Variants in PDE6A observed in about 807,000 individuals in gnomAD.
PDE6A encodes rod cGMP-specific 3',5'-cyclic phosphodiesterase subunit alpha.
PDE6A carries 84 observed loss-of-function variants against 106.3 expected under a neutral mutation model. That is an observed-to-expected ratio of 0.79 (90% CI 0.66 to 0.95). The LOEUF (loss-of-function observed/expected upper bound fraction) is 0.95, where lower values mean the gene tolerates loss of function less well. Among genes scored for constraint, PDE6A ranks in the 40% least tolerant of loss-of-function variants. The pLI is 0.00. For synonymous variants in PDE6A, 394 were observed against 386.6 expected (o/e 1.02, Z -0.23); for missense variants, 1,052 against 1,084.9 (o/e 0.97, Z 0.43).
intron 3 of PDE6A, 24 bp from the exon 4 acceptor site, chr5:149,931,192 C>A (rs1754024586): frequency 6.2e-7 from 1 of 1,613,040 alleles, no homozygotes; most frequent in East Asian, 2.2e-5. Flanking sequence ...AAAACATATT[C>A]ATAGGTTTTG....
chr5:149,885,014 T>C (rs1561709577), intron 14 of PDE6A, 147 bp from the exon 15 acceptor site: 1 of 703,686 alleles, frequency 1.4e-6, no homozygotes, highest in Non-Finnish European at 2.5e-6. Flanking sequence ...ATCTACTAAA[T>C]AGCATGGACC....
intron 6 of PDE6A, among the ~76,000 whole-genome samples, chr5:149,911,842 C>CAAAAA (rs11430549): frequency 3.2e-4 from 21 of 66,074 alleles, no homozygotes; most frequent in African/African-American, 1.1e-3. Context: ...TCTCTATTAC[C>CAAAAA]AAAAAAAAAA....
At chr5:149,923,217 G>A (rs1753770590) in intron 4 of PDE6A, among the ~76,000 whole-genome samples, 1 of 152,092 alleles carries the variant, frequency 6.6e-6, no homozygotes, top group African/African-American at 2.4e-5. Context: ...AGTGGCCAAG[G>A]TCGGGCACGG....
chr5:149,873,178 TTTAC>T (rs1373092083), intron 17 of PDE6A, among the ~76,000 whole-genome samples: 6 of 152,208 alleles, frequency 3.9e-5, no homozygotes, highest in African/African-American at 1.4e-4. Flanking sequence ...ATAATTTGTA[TTTAC>T]TTATTTACTT....
At chr5:149,870,891 A>AGAAAG (rs1373042952) in intron 17 of PDE6A, among the ~76,000 whole-genome samples, 44 of 151,856 alleles carry the variant, frequency 2.9e-4, no homozygotes, top group African/African-American at 1.1e-3. Flanking sequence ...AAGAAAGAAA[A>AGAAAG]AGAAAGAAAG....
intron 15 of PDE6A, 99 bp downstream of exon 15, chr5:149,884,681 C>A: frequency 6.9e-7 from 1 of 1,439,286 alleles, no homozygotes; most frequent in Admixed American, 1.7e-5. Flanking sequence ...GCAGCCCAGG[C>A]CAATGGGAAG....
chr5:149,931,454 G>A (rs914289875), intron 3 of PDE6A, among the ~76,000 whole-genome samples: 14 of 151,796 alleles, frequency 9.2e-5, no homozygotes, highest in Non-Finnish European at 1.6e-4. Context: ...GAGTAAAAAC[G>A]TACTTTATAG....
At chr5:149,869,488 C>A (rs1230583267) in intron 17 of PDE6A, among the ~76,000 whole-genome samples, 1 of 152,028 alleles carries the variant, frequency 6.6e-6, no homozygotes, top group Non-Finnish European at 1.5e-5. Flanking sequence ...GGAGGGGACA[C>A]GGACAAAGAA....
In PDE6A at chr5:149,896,787, C is replaced by T. The variant is rs201527437; in HGVS notation, c.1408-11G>A. 4.4e-4 allele frequency: 713 copies of T among 1,614,024 alleles called. 3 individuals are homozygous for T. Among genetic ancestry groups the T allele is most frequent in the Non-Finnish European group, 5.6e-4 (663 of 1,180,006 alleles). ...CACCTCTCTGGTTTTCTGCCAGGACCCAAAATGGCAGGGGAAAAAAAATAG... is the reference window on the plus strand; with the variant it reads ...CACCTCTCTGGTTTTCTGCCAGGACTCAAAATGGCAGGGGAAAAAAAATAG... On this transcript the variant is annotated splice_polypyrimidine_tract_variant and intron_variant, in intron 10 of 21. Coordinates refer to ENST00000255266, the MANE Select transcript of PDE6A (RefSeq NM_000440.3).
chr5:149,880,497 G>A (rs1365419319), intron 17 of PDE6A, among the ~76,000 whole-genome samples: 2 of 152,106 alleles, frequency 1.3e-5, no homozygotes, highest in African/African-American at 2.4e-5. Context: ...GGATCACGAG[G>A]TCAGGAGTTC....
intron 4 of PDE6A, 83 bp downstream of exon 4, chr5:149,930,945 T>A (rs150967716): frequency 1.6e-5 from 22 of 1,395,466 alleles, no homozygotes; most frequent in Admixed American, 3.3e-5. Context: ...CCCCGTGCAA[T>A]TGAATGTGTG....
intron 6 of PDE6A, 36 bp from the exon 7 acceptor site, chr5:149,907,414 G>A (rs754895973): frequency 5.1e-6 from 8 of 1,553,598 alleles, no homozygotes; most frequent in Admixed American, 1.7e-5. Flanking sequence ...GACTCTCAGT[G>A]CAGGGATTGC....
intron 17 of PDE6A, among the ~76,000 whole-genome samples, chr5:149,877,567 G>A (rs1375581906): frequency 2.6e-5 from 4 of 152,028 alleles, no homozygotes; most frequent in Non-Finnish European, 2.9e-5. Flanking sequence ...GCACCACAAT[G>A]CCTGGCTAAT....
intron 6 of PDE6A, among the ~76,000 whole-genome samples, chr5:149,913,977 A>T (rs192476394): frequency 7.2e-5 from 11 of 152,260 alleles, no homozygotes; most frequent in Admixed American, 2.0e-4. Context: ...GGGGACATTG[A>T]GAATAGGCTT....
At chr5:149,931,920 C>T (rs758643468) in intron 3 of PDE6A, 35 of 828,716 alleles carry the variant, frequency 4.2e-5, no homozygotes, top group Non-Finnish European at 5.1e-5. Context: ...TATAAAATGG[C>T]GTACAATGAA....
chr5:149,868,793 T>C (rs928143910), intron 17 of PDE6A, among the ~76,000 whole-genome samples: 1 of 152,168 alleles, frequency 6.6e-6, no homozygotes, highest in South Asian at 2.1e-4. Context: ...TAAGATTTGC[T>C]CTCCTACCTC....
intron 7 of PDE6A, among the ~76,000 whole-genome samples, chr5:149,905,518 A>G (rs971541684): frequency 3.9e-5 from 6 of 152,156 alleles, no homozygotes; most frequent in Admixed American, 1.3e-4. Context: ...TTCAGTCTAG[A>G]AGCCTGAAAT....
intron 14 of PDE6A, among the ~76,000 whole-genome samples, chr5:149,885,744 TTTA>T (rs1031769095): frequency 7.2e-5 from 11 of 152,324 alleles, no homozygotes; most frequent in African/African-American, 2.6e-4. Flanking sequence ...AGCAATAAAA[TTTA>T]TTATTTTACA....
At chr5:149,895,336 T>C in intron 12 of PDE6A, 46 bp from the exon 13 acceptor site, 1 of 1,322,098 alleles carries the variant, frequency 7.6e-7, no homozygotes, top group East Asian at 2.3e-5. Context: ...CCTGAAATGG[T>C]CTCATGAGGG....
Sources: gnomAD v4.1 joint callset for allele counts (sites outside exome capture counted in the v4.1 genomes callset) on GRCh38, gnomAD v4.1.1 for gene constraint, MANE v1.5 for transcripts, NCBI Gene and HGNC (gene_info 2026-07-23, HGNC 2026-07-21) for gene names.